ARID5B: variants seen among roughly 807,000 people sequenced by gnomAD.
ARID5B encodes the protein AT-rich interactive domain-containing protein 5B.
In ARID5B, 13 loss-of-function variants were observed where a neutral mutation model predicts 97.2. The observed-to-expected ratio is 0.13, with a 90% CI of 0.09 to 0.21. The LOEUF is 0.21. ARID5B is among the 10% of genes least tolerant of loss of function. ARID5B has a pLI of 1.00. For synonymous variants in ARID5B, 556 were observed against 570.3 expected (o/e 0.97, Z 0.36); for missense variants, 1,210 against 1,465.3 (o/e 0.83, Z 2.84).
rs756824345 is a variant in ARID5B at position 62,096,759 on chromosome 10, A to C, written c.*3729A>C. Reference sequence around the variant, plus strand: ...ATTGAGTAACCTTTGCATTAGTTTAAACACTACCAGAAGAATGCTGAGCCA... The same window carrying C: ...ATTGAGTAACCTTTGCATTAGTTTACACACTACCAGAAGAATGCTGAGCCA... On this transcript the variant is annotated 3_prime_UTR_variant, in exon 10 of 10. Transcript: ENST00000279873. The C allele has an allele frequency of 8.6e-6, 2 of 233,450 alleles. No homozygotes were observed. Among genetic ancestry groups the C allele is most frequent in the Non-Finnish European group, 1.7e-5 (2 of 117,976 alleles). 14.5% of individuals were successfully genotyped at this position (233,450 alleles called of 1,614,324 possible).
intron 3 of ARID5B, among the ~76,000 whole-genome samples, chr10:61,970,691 G>C (rs928840894): frequency 6.6e-6 from 1 of 152,104 alleles, no homozygotes; most frequent in Admixed American, 6.6e-5. Context: ...GTTTGAAAAG[G>C]ATACAAAAAT....
At chr10:61,973,691 CCAG>C (rs1838661636) in intron 3 of ARID5B, among the ~76,000 whole-genome samples, 1 of 152,128 alleles carries the variant, frequency 6.6e-6, no homozygotes, top group Admixed American at 6.5e-5. Flanking sequence ...GTATGGTTTA[CCAG>C]CCATTGTGGA....
At chr10:61,975,472 G>T (rs1015650159) in intron 3 of ARID5B, among the ~76,000 whole-genome samples, 1 of 152,114 alleles carries the variant, frequency 6.6e-6, no homozygotes, top group Admixed American at 6.5e-5. Flanking sequence ...CTTGGAGTTA[G>T]AAAGCCTGAG....
At chr10:62,026,816 A>G (rs1267188745) in intron 4 of ARID5B, among the ~76,000 whole-genome samples, 1 of 152,238 alleles carries the variant, frequency 6.6e-6, no homozygotes, top group African/African-American at 2.4e-5. Flanking sequence ...TTAAAGACCC[A>G]AAGATGCACC....
intron 3 of ARID5B, among the ~76,000 whole-genome samples, chr10:61,948,587 C>T (rs1026006975): frequency 2.6e-5 from 4 of 151,966 alleles, no homozygotes; most frequent in Non-Finnish European, 4.4e-5. Flanking sequence ...AGGATGGCCT[C>T]GATCTCCTGA....
At chr10:61,990,811 A>C (rs1281718338) in intron 3 of ARID5B, among the ~76,000 whole-genome samples, 1 of 152,216 alleles carries the variant, frequency 6.6e-6, no homozygotes, top group Non-Finnish European at 1.5e-5. Context: ...AGTGGCATTA[A>C]GTACATTCAC....
intron 3 of ARID5B, among the ~76,000 whole-genome samples, chr10:61,945,914 C>T (rs188538259): frequency 7.3e-5 from 11 of 150,722 alleles, no homozygotes; most frequent in African/African-American, 2.2e-4. Context: ...CTGTCTCCCT[C>T]GATAGAAAAC....
intron 9 of ARID5B, 44 bp downstream of exon 9, chr10:62,085,944 C>A: frequency 6.3e-7 from 1 of 1,579,454 alleles, no homozygotes; most frequent in African/African-American, 1.4e-5. Flanking sequence ...AAGACATGTG[C>A]TGCCTCGAGG....
intron 3 of ARID5B, among the ~76,000 whole-genome samples, chr10:61,977,709 G>A (rs1322593087): frequency 1.3e-5 from 2 of 152,026 alleles, no homozygotes; most frequent in Admixed American, 1.3e-4. Flanking sequence ...GGGGTTGTTT[G>A]TTTTTTTCCT....
At chr10:62,078,494 A>G (rs555574586) in intron 8 of ARID5B, among the ~76,000 whole-genome samples, 1 of 152,298 alleles carries the variant, frequency 6.6e-6, no homozygotes, top group East Asian at 1.9e-4. Flanking sequence ...TTATTCTTGA[A>G]ATAATGTTCA....
chr10:62,089,415 C>T (rs1187921992), intron 9 of ARID5B, among the ~76,000 whole-genome samples: 3 of 152,060 alleles, frequency 2.0e-5, no homozygotes, highest in East Asian at 1.9e-4. Flanking sequence ...CCAGCATCCT[C>T]AATCTTACCC....
In ARID5B at chr10:62,000,127, G is replaced by C; in HGVS notation, c.539G>C (p.Ser180Thr). The change falls in exon 4 of 10, where the codon AGC (serine) becomes ACC (threonine). Residue 180 changes from serine to threonine, a missense_variant. Physicochemically the swap from Ser to Thr is moderately conservative, Grantham distance 58 (BLOSUM62 1). Coordinates refer to ENST00000279873, the MANE Select transcript of ARID5B (RefSeq NM_032199.3). The surrounding 1 kb of genome is among the most constrained non-coding windows in gnomAD (Gnocchi z 4.4). Reference protein sequence around the residue: ...DEEETNVIVLSYPQYCRYRSM... With the variant: ...DEEETNVIVLTYPQYCRYRSM... ...GAAGAAACGAACGTGATAGTTCTCAGCTACCCCCAGTACTGCCGGTACCGC... is the reference window on the plus strand; with the variant it reads ...GAAGAAACGAACGTGATAGTTCTCACCTACCCCCAGTACTGCCGGTACCGC... The C allele has an allele frequency of 6.2e-7, 1 of 1,613,988 alleles. No individual in the cohort carries two copies. The highest frequency in any genetic ancestry group is 8.5e-7 in the Non-Finnish European group (1 of 1,179,910).
intron 2 of ARID5B, among the ~76,000 whole-genome samples, chr10:61,916,824 AG>A (rs1346470716): frequency 1.3e-5 from 2 of 152,198 alleles, no homozygotes; most frequent in East Asian, 3.8e-4. Context: ...CCCATTTAAA[AG>A]CCACCTCCTC....
Position 62,092,958 on chromosome 10 carries a change from A to G in ARID5B, c.3495A>G (p.Leu1165=). The G allele has an allele frequency of 1.2e-6, 2 of 1,614,084 alleles. No homozygotes were observed. The highest frequency in any genetic ancestry group is 1.7e-6 in the Non-Finnish European group (2 of 1,180,012). The change falls in exon 10 of 10, where the codon TTA becomes TTG. Residue 1165 remains leucine, a synonymous_variant. Coordinates refer to ENST00000279873, the MANE Select transcript of ARID5B (RefSeq NM_032199.3). ...GDLLHNSIYP[L]AAINPQAAFP... ...TTTTGCATAACAGCATTTACCCTTT[A>G]GCTGCTATAAATCCTCAAGCTGCCT... is the stretch of plus-strand genomic sequence containing the variant.
intron 3 of ARID5B, among the ~76,000 whole-genome samples, chr10:61,946,634 G>A (rs1465654227): frequency 6.6e-6 from 1 of 152,096 alleles, no homozygotes; most frequent in Non-Finnish European, 1.5e-5. Flanking sequence ...TAACTAAAAC[G>A]AATTTGGGCC....
intron 3 of ARID5B, among the ~76,000 whole-genome samples, chr10:61,943,904 T>G (rs1385246826): frequency 6.6e-6 from 1 of 152,148 alleles, no homozygotes; most frequent in African/African-American, 2.4e-5. Context: ...AGGGAGCACA[T>G]TTAGACAATA....
In ARID5B at chr10:61,940,400, C is replaced by T. The variant is rs1236257436; in HGVS notation, c.494C>T (p.Ala165Val). 1 of 1,612,440 alleles carries T rather than the reference C, an allele frequency of 6.2e-7. No individual in the cohort carries two copies. The highest frequency in any genetic ancestry group is 8.5e-7 in the Non-Finnish European group (1 of 1,179,218). Reference sequence around the variant, plus strand: ...TTCAAAGACGTTCTCAAGGAGAAGGCAGACCTGGGTAAATATGACTTGTAA... The same window carrying T: ...TTCAAAGACGTTCTCAAGGAGAAGGTAGACCTGGGTAAATATGACTTGTAA... Reference protein sequence around the residue: ...LNFKDVLKEKADLGEDEEETN... With the variant: ...LNFKDVLKEKVDLGEDEEETN... Residue 165 changes from alanine to valine, a missense_variant, in exon 3 of 10, where the codon GCA becomes GTA. Coordinates refer to ENST00000279873, the MANE Select transcript of ARID5B (RefSeq NM_032199.3).
intron 3 of ARID5B, among the ~76,000 whole-genome samples, chr10:61,994,471 A>G (rs1320507131): frequency 6.6e-6 from 1 of 152,192 alleles, no homozygotes; most frequent in African/African-American, 2.4e-5. Flanking sequence ...TCTATTTTCA[A>G]AAAATAGCAT....
chr10:62,002,526 G>A (rs1324210070), intron 4 of ARID5B, among the ~76,000 whole-genome samples: 2 of 152,120 alleles, frequency 1.3e-5, no homozygotes, highest in Non-Finnish European at 1.5e-5. Flanking sequence ...GGACCAAAAA[G>A]CTTATTTTGA....
Sources: allele counts gnomAD v4.1 joint callset (sites outside exome capture counted in the v4.1 genomes callset), GRCh38; gene constraint gnomAD v4.1.1; non-coding constraint Gnocchi (gnomAD v3.1); transcripts MANE v1.5; gene names NCBI Gene and HGNC (gene_info 2026-07-23, HGNC 2026-07-21).